The following TBC1D5 variants were observed in gnomAD, a reference collection of about 807,000 sequenced individuals.
TBC1D5 encodes TBC1 domain family, member 5.
A neutral mutation model predicts 100.3 loss-of-function variants in TBC1D5; 75 were observed. That is an observed-to-expected ratio of 0.75 (90% CI 0.62 to 0.91). The LOEUF is 0.91. Among genes scored for constraint, TBC1D5 ranks in the 40% least tolerant of loss-of-function variants. The pLI is 0.00. For missense variants in TBC1D5, 910 were observed against 942.4 expected (o/e 0.97, Z 0.45); for synonymous variants, 323 against 325.6 (o/e 0.99, Z 0.09).
At position 17,700,945 on chromosome 3, in the gene TBC1D5, C is replaced by G. The variant is rs557853430; in HGVS notation, c.-101+38398G>C. On this transcript the variant is annotated intron_variant, in intron 1 of 21. Transcript: ENST00000253692. ...GGTAATCCCTCAAAGATCTAGAACTCGAAATACCATTTGACCCAGCCATCC... is the reference window on the plus strand; with the variant it reads ...GGTAATCCCTCAAAGATCTAGAACTGGAAATACCATTTGACCCAGCCATCC... Among the ~76,000 whole-genome samples, 6 of 152,134 alleles carry G rather than the reference C, an allele frequency of 3.9e-5. No homozygotes were observed. The South Asian group carries it at 1.0e-3, about 26-fold the overall frequency.
chr3:17,493,470 T>G (rs561795764), intron 3 of TBC1D5, among the ~76,000 whole-genome samples: 1 of 152,280 alleles, frequency 6.6e-6, no homozygotes, highest in East Asian at 1.9e-4. Context: ...AATGTTGGCA[T>G]GTCTTGCTAG....
intron 13 of TBC1D5, among the ~76,000 whole-genome samples, chr3:17,340,205 T>C (rs1007084661): frequency 6.6e-6 from 1 of 152,154 alleles, no homozygotes; most frequent in African/African-American, 2.4e-5. Context: ...TTGGGTCCCC[T>C]CTATACTGGG....
At chr3:17,161,235 A>C (rs955229436) in exon 22 of TBC1D5, 1 of 1,612,484 alleles carries the variant, frequency 6.2e-7, no homozygotes, top group Non-Finnish European at 8.5e-7. Context: ...CTATCAGTGC[A>C]CCCTGGCGTT....
At chr3:17,502,488 G>T (rs2095798544) in intron 3 of TBC1D5, among the ~76,000 whole-genome samples, 1 of 149,024 alleles carries the variant, frequency 6.7e-6, no homozygotes, top group South Asian at 2.1e-4. Flanking sequence ...GCCTTTAAAT[G>T]ACTTTCCTTA....
At chr3:17,533,366 G>A (rs1217860163) in intron 2 of TBC1D5, among the ~76,000 whole-genome samples, 1 of 152,050 alleles carries the variant, frequency 6.6e-6, no homozygotes, top group Non-Finnish European at 1.5e-5. Context: ...TTTGCTTGAG[G>A]AACTGCCAAC....
chr3:17,540,932 A>AAAAG (rs2096348033), intron 2 of TBC1D5, among the ~76,000 whole-genome samples: 1 of 146,218 alleles, frequency 6.8e-6, no homozygotes, highest in African/African-American at 2.5e-5. Context: ...AAAAAAAAAA[A>AAAAG]GTAAGAAAAG....
At chr3:17,501,999 C>A (rs1418261946) in intron 3 of TBC1D5, among the ~76,000 whole-genome samples, 1 of 149,574 alleles carries the variant, frequency 6.7e-6, no homozygotes, top group East Asian at 1.9e-4. Context: ...ATATCTCATT[C>A]AACTCTGCCA....
intron 1 of TBC1D5, among the ~76,000 whole-genome samples, chr3:17,664,314 C>T (rs946453047): frequency 6.6e-6 from 1 of 152,178 alleles, no homozygotes; most frequent in Non-Finnish European, 1.5e-5. Context: ...TCGTAATCCA[C>T]CCACCTCAGC....
intron 9 of TBC1D5, among the ~76,000 whole-genome samples, chr3:17,377,610 G>A (rs188037009): frequency 7.9e-5 from 12 of 152,104 alleles, no homozygotes; most frequent in Non-Finnish European, 1.3e-4. Flanking sequence ...CGAAAGCAGA[G>A]AGGAGATAAA....
intron 2 of TBC1D5, among the ~76,000 whole-genome samples, chr3:17,541,445 G>A (rs1346918145): frequency 6.6e-6 from 1 of 151,224 alleles, no homozygotes; most frequent in South Asian, 2.1e-4. Context: ...TATTTTTTTT[G>A]ATGCTATTGT....
intron 3 of TBC1D5, among the ~76,000 whole-genome samples, chr3:17,456,922 A>G (rs1334124810): frequency 2.0e-5 from 3 of 152,214 alleles, no homozygotes; most frequent in Admixed American, 1.3e-4. Flanking sequence ...CATTTATATG[A>G]TATGTCTGAA....
In TBC1D5 at chr3:17,347,441, A is replaced by G. The variant is rs147178348; in HGVS notation, c.995+24634T>C. Among the ~76,000 whole-genome samples, 1,475 of 152,234 alleles carry G rather than the reference A, an allele frequency of 9.7e-3. 18 individuals are homozygous for G. The highest frequency in any genetic ancestry group is 0.033 in the African/African-American group (1,376 of 41,520). On this transcript the variant is annotated intron_variant, in intron 13 of 21. Transcript: ENST00000253692. ...TTAAAACTGTTCTTGTTTCCTCTCA[A>G]TATAGATAATTGAGAACTAACTATA... is the stretch of plus-strand genomic sequence containing the variant.
intron 3 of TBC1D5, among the ~76,000 whole-genome samples, chr3:17,496,255 TTTG>T (rs1270963373): frequency 1.3e-5 from 2 of 152,242 alleles, no homozygotes; most frequent in Non-Finnish European, 2.9e-5. Context: ...AATTACTCAA[TTTG>T]TTAATAGTTT....
intron 16 of TBC1D5, among the ~76,000 whole-genome samples, chr3:17,254,462 A>C (rs1278803907): frequency 6.6e-6 from 1 of 152,090 alleles, no homozygotes. Context: ...TTTCCTGATG[A>C]CTAATGTTGA....
chr3:17,181,446 G>C (rs1170764512), intron 19 of TBC1D5, among the ~76,000 whole-genome samples: 1 of 152,184 alleles, frequency 6.6e-6, no homozygotes, highest in East Asian at 1.9e-4. Flanking sequence ...CCTGATACTA[G>C]GGTTTAAAAA....
intron 1 of TBC1D5, among the ~76,000 whole-genome samples, chr3:17,639,141 G>A (rs1207728533): frequency 6.6e-6 from 1 of 152,106 alleles, no homozygotes; most frequent in East Asian, 1.9e-4. Context: ...ACTGACAGAT[G>A]ATGAATGTTT....
chr3:17,479,050 G>A (rs1038787724), intron 3 of TBC1D5, among the ~76,000 whole-genome samples: 5 of 152,218 alleles, frequency 3.3e-5, no homozygotes, highest in Admixed American at 3.3e-4. Flanking sequence ...ATTAATGCTT[G>A]GTAAATAAAT....
chr3:17,568,373 T>C (rs982770539), intron 2 of TBC1D5, among the ~76,000 whole-genome samples: 4 of 151,428 alleles, frequency 2.6e-5, no homozygotes, highest in African/African-American at 9.7e-5. Flanking sequence ...AAAGAGAACA[T>C]TGTCAAAGAG....
chr3:17,656,687 A>G lies in TBC1D5; in HGVS notation c.-100-32774T>C, dbSNP rs552054526. On this transcript the variant is annotated intron_variant, in intron 1 of 21. Transcript: ENST00000253692. ...CCAAACCCAGATCCTACTCTTCAGG[A>G]GTTCATTCCAGTGTATGTCAAATAC... is the stretch of plus-strand genomic sequence containing the variant. Among the ~76,000 whole-genome samples, 10 of 152,308 alleles carry G rather than the reference A, an allele frequency of 6.6e-5. No homozygotes were observed. In the East Asian group the frequency reaches 1.9e-3, roughly 29 times the overall value.
Sources: gnomAD v4.1 joint callset for allele counts (sites outside exome capture counted in the v4.1 genomes callset) on GRCh38, gnomAD v4.1.1 for gene constraint, MANE v1.5 for transcripts, NCBI Gene and HGNC (gene_info 2026-07-23, HGNC 2026-07-21) for gene names.